Variants in CTNNA3 observed in about 807,000 individuals in gnomAD.
The protein encoded by CTNNA3 is catenin alpha 3, also known as catenin alpha-3.
CTNNA3 carries 76 observed loss-of-function variants against 95.7 expected under a neutral mutation model. The ratio of observed to expected loss-of-function variants is 0.79; its 90% CI spans 0.66 to 0.96. The LOEUF is 0.96. CTNNA3 is among the 40% of genes least tolerant of loss of function. The pLI is 0.00. For synonymous variants in CTNNA3, 431 were observed against 374.4 expected, an observed-to-expected ratio of 1.15 and a Z score of -1.74; for missense variants, 1,191 against 1,089.8, an observed-to-expected ratio of 1.09 and a Z score of -1.31.
At chr10:67,275,668 A>G (rs990969769) in intron 5 of CTNNA3, among the ~76,000 whole-genome samples, 2 of 152,204 alleles carry the variant, frequency 1.3e-5, no homozygotes, top group Non-Finnish European at 2.9e-5. Context: ...AAAAAAGTGG[A>G]ACCAAACTGG....
At chr10:67,368,584 C>T (rs966904748) in intron 5 of CTNNA3, among the ~76,000 whole-genome samples, 3 of 152,130 alleles carry the variant, frequency 2.0e-5, no homozygotes, top group African/African-American at 7.2e-5. Flanking sequence ...CAGTTGTACT[C>T]GTAATAGCCT....
At chr10:67,695,282 T>C (rs1277573838) in intron 1 of CTNNA3, among the ~76,000 whole-genome samples, 2 of 152,242 alleles carry the variant, frequency 1.3e-5, no homozygotes, top group Non-Finnish European at 2.9e-5. Context: ...TTCTGATGTC[T>C]AACCCCAATT....
intron 5 of CTNNA3, among the ~76,000 whole-genome samples, chr10:67,312,866 C>G (rs1345573335): frequency 1.3e-5 from 2 of 152,076 alleles, no homozygotes; most frequent in African/African-American, 4.8e-5. Context: ...TTTTGCTAAC[C>G]ATAATAATAG....
intron 12 of CTNNA3, among the ~76,000 whole-genome samples, chr10:66,321,986 C>T (rs1247271316): frequency 6.6e-6 from 1 of 151,918 alleles, no homozygotes; most frequent in African/African-American, 2.4e-5. Flanking sequence ...TGCATGGCAC[C>T]CTGGAACACT....
chr10:67,176,823 A>G, intron 7 of CTNNA3: 1 of 418,488 alleles, frequency 2.4e-6, no homozygotes, highest in Non-Finnish European at 4.7e-6. Flanking sequence ...GGCTTAGAAG[A>G]TGGAGGCAGA....
At chr10:66,015,501 G>C (rs931785220) in intron 15 of CTNNA3, among the ~76,000 whole-genome samples, 3 of 152,152 alleles carry the variant, frequency 2.0e-5, no homozygotes, top group Admixed American at 2.0e-4. Context: ...GTGCTTCTGT[G>C]TTACAATAGC....
intron 7 of CTNNA3, among the ~76,000 whole-genome samples, chr10:67,144,268 A>G (rs1452118004): frequency 1.3e-5 from 2 of 152,216 alleles, no homozygotes; most frequent in Non-Finnish European, 2.9e-5. Context: ...TATAGAGGAC[A>G]GTGTGGGTTT....
chr10:67,111,222 T>C (rs187594418), intron 7 of CTNNA3, among the ~76,000 whole-genome samples: 10 of 152,276 alleles, frequency 6.6e-5, no homozygotes, highest in African/African-American at 2.4e-4. Context: ...AAAGCTTACA[T>C]TAATTTATCT....
intron 7 of CTNNA3, among the ~76,000 whole-genome samples, chr10:66,865,727 A>C (rs1564732699): frequency 6.6e-6 from 1 of 152,076 alleles, no homozygotes; most frequent in Non-Finnish European, 1.5e-5. Flanking sequence ...TGATTTTAAC[A>C]ATATTTATTT....
intron 3 of CTNNA3, among the ~76,000 whole-genome samples, chr10:67,556,740 G>A (rs1317652271): frequency 3.3e-5 from 5 of 151,960 alleles, no homozygotes; most frequent in Non-Finnish European, 7.4e-5. Flanking sequence ...AGGGTTTTTT[G>A]TGTCTCTATC....
At chr10:66,567,966 C>A (rs1589432902) in intron 10 of CTNNA3, among the ~76,000 whole-genome samples, 2 of 152,304 alleles carry the variant, frequency 1.3e-5, no homozygotes, top group South Asian at 2.1e-4. Context: ...TCCATTGGAA[C>A]AACTACACTA....
chr10:67,620,942 TATATATATAC>T (rs1454124742), intron 2 of CTNNA3, among the ~76,000 whole-genome samples: 2 of 146,634 alleles, frequency 1.4e-5, no homozygotes, highest in Non-Finnish European at 3.0e-5. Flanking sequence ...TATATATATA[TATATATATAC>T]AGAAATGTGG....
chr10:67,361,416 C>G (rs1842986946), intron 5 of CTNNA3, among the ~76,000 whole-genome samples: 1 of 152,106 alleles, frequency 6.6e-6, no homozygotes, highest in Non-Finnish European at 1.5e-5. Context: ...ATGAAACATA[C>G]CAACCATACT....
intron 9 of CTNNA3, among the ~76,000 whole-genome samples, chr10:66,763,474 T>A (rs571582469): frequency 5.3e-5 from 2 of 37,512 alleles, no homozygotes; most frequent in African/African-American, 6.3e-4. Context: ...AGTCTCTCAG[T>A]TGAAAAAAAA....
At position 67,229,461 on chromosome 10, in the gene CTNNA3, T is replaced by G. The variant is rs577029136; in HGVS notation, c.580-9591A>C. ...CTCTGCAACATAGTACTGGAAGTCC[T>G]AGCCAGAGCAATCAGACAAGAGAAA... On this transcript the variant is annotated intron_variant, in intron 5 of 17. Coordinates refer to ENST00000433211, the MANE Select transcript of CTNNA3 (RefSeq NM_013266.4). Among the ~76,000 whole-genome samples, 6 of 152,282 alleles carry G rather than the reference T, an allele frequency of 3.9e-5. No homozygotes were observed. The South Asian group carries it at 1.2e-3, about 32-fold the overall frequency.
At chr10:67,015,932 C>A (rs1852628359) in intron 7 of CTNNA3, among the ~76,000 whole-genome samples, 1 of 152,072 alleles carries the variant, frequency 6.6e-6, no homozygotes, top group Non-Finnish European at 1.5e-5. Flanking sequence ...ATTTGTGTTG[C>A]TTCCAGTGTC....
intron 7 of CTNNA3, among the ~76,000 whole-genome samples, chr10:67,011,813 C>T (rs995166403): frequency 6.6e-6 from 1 of 152,046 alleles, no homozygotes; most frequent in African/African-American, 2.4e-5. Context: ...GGAAGCAGAA[C>T]TTGAGGAAGT....
chr10:66,500,053 G>A (rs767848859), intron 11 of CTNNA3, among the ~76,000 whole-genome samples: 6 of 151,582 alleles, frequency 4.0e-5, no homozygotes, highest in East Asian at 1.9e-4. Flanking sequence ...CACCTGCCTC[G>A]GCCTCCCAAA....
chr10:66,517,938 T>A, intron 11 of CTNNA3, among the ~76,000 whole-genome samples: 1 of 152,278 alleles, frequency 6.6e-6, no homozygotes, highest in East Asian at 1.9e-4. Context: ...ACCATCAGTC[T>A]ACTTTTTATT....
Sources: allele counts gnomAD v4.1 joint callset (sites outside exome capture counted in the v4.1 genomes callset), GRCh38; gene constraint gnomAD v4.1.1; transcripts MANE v1.5; gene names NCBI Gene and HGNC (gene_info 2026-07-23, HGNC 2026-07-21).